Variants in WDR33 observed in about 807,000 individuals in gnomAD.
WDR33 encodes WD repeat domain 33, also known as pre-mRNA 3' end processing protein WDR33.
A neutral mutation model predicts 164.9 loss-of-function variants in WDR33; 47 were observed. The ratio of observed to expected loss-of-function variants is 0.29; its 90% CI spans 0.23 to 0.36. WDR33 has a LOEUF of 0.36. Ranked by LOEUF, WDR33 falls within the 10% of genes least tolerant of loss-of-function variation. The pLI, the probability that WDR33 is intolerant of heterozygous loss-of-function variation, is 1.00. For missense variants in WDR33, 1,137 were observed against 1,754.1 expected (o/e 0.65, Z 6.28); for synonymous variants, 505 against 589.0 (o/e 0.86, Z 2.06).
chr2:127,721,732 ACCATGGGAGAGCCCCTT>A lies in WDR33; in HGVS notation c.1671+87_1671+103del. On this transcript the variant is annotated intron_variant, in intron 15 of 21. Transcript: ENST00000322313. This position sits in a 1 kb window ranked among gnomAD's most constrained non-coding sequence, Gnocchi z 4.9. ...AACAGGAAATGGCGGTGTTTGTCAGACCATGGGAGAGCCCCTTCCCTTTTCCTTAAGAGCCTATCAAT... is the reference window on the plus strand; with the variant it reads ...AACAGGAAATGGCGGTGTTTGTCAGACCCTTTTCCTTAAGAGCCTATCAAT... The A allele has an allele frequency of 8.0e-7, 1 of 1,253,478 alleles. No individual in the cohort carries two copies. Among genetic ancestry groups the A allele is most frequent in the South Asian group, 1.8e-5 (1 of 56,292 alleles). The allele number at this position is 1,253,478 out of a possible 1,614,324, so 77.6% of individuals were successfully genotyped here.
intron 1 of WDR33, among the ~76,000 whole-genome samples, chr2:127,784,128 T>C (rs1477392116): frequency 6.6e-6 from 1 of 152,236 alleles, no homozygotes; most frequent in Admixed American, 6.5e-5. Flanking sequence ...TCTAGCTTAA[T>C]TGAAAACAGC....
rs571719993 is a variant in WDR33, at chr2:127,750,017, G to A, written c.724+13045C>T. Among the ~76,000 whole-genome samples, 4 of 151,772 alleles carry A rather than the reference G, an allele frequency of 2.6e-5. No homozygotes were observed. The East Asian group carries it at 7.9e-4, about 30-fold the overall frequency. On this transcript the variant is annotated intron_variant, in intron 7 of 21. Coordinates refer to ENST00000322313, the MANE Select transcript of WDR33 (RefSeq NM_018383.5). The stretch of plus-strand genomic sequence containing the variant: ...GTTATCAGCTTATTTCTCATTGTAG[G>A]AGAACAGGCATTTGTGGGGAGGGAG...
chr2:127,781,998 C>CT lies in WDR33; in HGVS notation c.-23-10995dup, dbSNP rs953338858. Among the ~76,000 whole-genome samples the CT allele has an allele frequency of 3.4e-4, 23 of 68,280 alleles. No homozygotes were observed. The East Asian group carries it at 9.8e-3, about 29-fold the overall frequency. The allele number at this position is 68,280 out of a possible 152,430, so 44.8% of individuals were successfully genotyped here. On this transcript the variant is annotated intron_variant, in intron 1 of 21. Coordinates refer to ENST00000322313, the MANE Select transcript of WDR33 (RefSeq NM_018383.5). ...GGGCAAGAAGAGCGAAACTCTTTTT[C>CT]TAAAAAAAAAAAAAAAAAAAAAAAT...
rs936624900 is a variant in WDR33, at chr2:127,716,794, T to C, written c.2869+361A>G. 6.6e-6 allele frequency among the ~76,000 whole-genome samples: 1 copy of C among 152,180 alleles called. No individual in the cohort carries two copies. Among genetic ancestry groups the C allele is most frequent in the African/African-American group, 2.4e-5 (1 of 41,444 alleles). ...GACAAGGATGTGATGACAAAAACAC[T>C]GTCACACAATTCAAGCACAAACAGT... On this transcript the variant is annotated intron_variant, in intron 17 of 21. Transcript: ENST00000322313. The surrounding 1 kb of genome is among the most constrained non-coding windows in gnomAD (Gnocchi z 4.5).
chr2:127,808,185 A>G (rs1432162891), intron 1 of WDR33, among the ~76,000 whole-genome samples: 1 of 151,842 alleles, frequency 6.6e-6, no homozygotes, highest in African/African-American at 2.4e-5. Flanking sequence ...AGAAAGAAAA[A>G]AAATGTTAAC....
chr2:127,793,692 G>A (rs951372273), intron 1 of WDR33, among the ~76,000 whole-genome samples: 1 of 152,160 alleles, frequency 6.6e-6, no homozygotes, highest in Non-Finnish European at 1.5e-5. Flanking sequence ...AGTGAGTTAT[G>A]ATCATGCCAC....
In WDR33 at chr2:127,711,751, G is replaced by GATATATATATATATATAT. The variant is rs754454193; in HGVS notation, c.3308+1814_3308+1831dup. On this transcript the variant is annotated intron_variant, in intron 18 of 21. Transcript: ENST00000322313. ...CAACCCTAACTCAACCACATATACAGATATATATATATATATATATATATA... is the reference window on the plus strand; with the variant it reads ...CAACCCTAACTCAACCACATATACAGATATATATATATATATATATATATATATATATATATATATATA... Among the ~76,000 whole-genome samples the GATATATATATATATATAT allele has an allele frequency of 5.4e-3, 387 of 71,502 alleles. 4 individuals carry two copies. The highest frequency in any genetic ancestry group is 7.4e-3 in the Non-Finnish European group (314 of 42,594). 46.9% of individuals were successfully genotyped at this position (71,502 alleles called of 152,430 possible).
intron 4 of WDR33, 112 bp from the exon 5 acceptor site, chr2:127,765,381 C>T (rs988502027): frequency 1.1e-5 from 8 of 751,404 alleles, no homozygotes; most frequent in Non-Finnish European, 1.7e-5. Flanking sequence ...ATGATACTGA[C>T]TTTCACTTAA....
At chr2:127,791,975 G>C (rs938453474) in intron 1 of WDR33, among the ~76,000 whole-genome samples, 2 of 149,872 alleles carry the variant, frequency 1.3e-5, no homozygotes, top group African/African-American at 4.9e-5. Flanking sequence ...GTCTCATGCT[G>C]TCACCCAGGC....
chr2:127,702,251 C>G lies in WDR33; in HGVS notation c.*4072G>C. 1.7e-6 allele frequency: 2 copies of G among 1,156,732 alleles called. No homozygotes were observed. The highest frequency in any genetic ancestry group is 2.2e-6 in the Non-Finnish European group (2 of 928,040). The allele number at this position is 1,156,732 out of a possible 1,614,324, so 71.7% of individuals were successfully genotyped here. On this transcript the variant is annotated 3_prime_UTR_variant, in exon 22 of 22. Transcript: ENST00000322313. ...GAGACCGCGCCGGCCGAGCTGAGGA[C>G]TGCACGCCGCTGTGCGGAAGCCCGT... is the stretch of plus-strand genomic sequence containing the variant.
chr2:127,765,512 C>T (rs1378592285), intron 4 of WDR33, among the ~76,000 whole-genome samples: 1 of 152,092 alleles, frequency 6.6e-6, no homozygotes, highest in African/African-American at 2.4e-5. Flanking sequence ...TGAGTATACG[C>T]ACCTACTCAC....
In WDR33 at chr2:127,701,818, A is replaced by G. The variant is rs1048601919; in HGVS notation, c.*4505T>C. On this transcript the variant is annotated 3_prime_UTR_variant, in exon 22 of 22. Transcript: ENST00000322313. Reference sequence around the variant, plus strand: ...CTGTGTTTCGGCCTAGCCGCGCTCTACGCACCGGTGTTGCTGCTGCGCGCG... The same window carrying G: ...CTGTGTTTCGGCCTAGCCGCGCTCTGCGCACCGGTGTTGCTGCTGCGCGCG... 1 of 1,457,650 alleles carries G rather than the reference A, an allele frequency of 6.9e-7. No individual in the cohort carries two copies. Among genetic ancestry groups the G allele is most frequent in the East Asian group, 3.1e-5 (1 of 32,390 alleles). The allele number at this position is 1,457,650 out of a possible 1,614,324, so 90.3% of individuals were successfully genotyped here.
chr2:127,724,257 C>A lies in WDR33; in HGVS notation c.1196+76G>T. The stretch of plus-strand genomic sequence containing the variant: ...AATATAAATTACTATATCAATCAAC[C>A]AATAAAAATAAACACATACAGTATT... On this transcript the variant is annotated intron_variant, in intron 11 of 21. Coordinates refer to ENST00000322313, the MANE Select transcript of WDR33 (RefSeq NM_018383.5). The surrounding 1 kb of genome is among the most constrained non-coding windows in gnomAD (Gnocchi z 4.8). 2 of 1,131,838 alleles carry A rather than the reference C, an allele frequency of 1.8e-6. No individual in the cohort carries two copies. Among genetic ancestry groups the A allele is most frequent in the South Asian group, 1.4e-5 (1 of 69,798 alleles). 70.1% of individuals were successfully genotyped at this position (1,131,838 alleles called of 1,614,324 possible).
rs1169019444 is a variant in WDR33, at chr2:127,706,521, C to T, written c.3813G>A (p.Val1271=). 3.1e-6 allele frequency: 5 copies of T among 1,613,218 alleles called. No individual in the cohort carries two copies. The highest frequency in any genetic ancestry group is 4.2e-6 in the Non-Finnish European group (5 of 1,179,588). Residue 1271 remains valine (V), a synonymous_variant, in exon 22 of 22, where the codon GTG becomes GTA. Coordinates refer to ENST00000322313, the MANE Select transcript of WDR33 (RefSeq NM_018383.5). The surrounding 1 kb of genome is among the most constrained non-coding windows in gnomAD (Gnocchi z 5.1). ...GRGGPGPAQR[V]PKSGRSSSLD... ...AGGAGCTGGAACGCCCAGATTTGGG[C>T]ACTCTCTGAGCAGGTCCTGGGCCCC...
At position 127,717,050 on chromosome 2, in the gene WDR33, T is replaced by C; in HGVS notation, c.2869+105A>G. The C allele has an allele frequency of 8.4e-7, 1 of 1,197,354 alleles. No homozygotes were observed. The highest frequency in any genetic ancestry group is 1.3e-5 in the South Asian group (1 of 75,886). The allele number at this position is 1,197,354 out of a possible 1,614,324, so 74.2% of individuals were successfully genotyped here. Reference sequence around the variant, plus strand: ...ACCACACCCTTATTTTGCCCAGAGGTTCAAATGACCAGTCTATCAATGACT... The same window carrying C: ...ACCACACCCTTATTTTGCCCAGAGGCTCAAATGACCAGTCTATCAATGACT... On this transcript the variant is annotated intron_variant, in intron 17 of 21. Coordinates refer to ENST00000322313, the MANE Select transcript of WDR33 (RefSeq NM_018383.5). The surrounding 1 kb of genome is among the most constrained non-coding windows in gnomAD (Gnocchi z 5.6).
rs779472723 is a variant in WDR33, at chr2:127,720,226, C to T, written c.1799G>A (p.Gly600Asp). 6.3e-7 allele frequency: 1 copy of T among 1,597,262 alleles called. No homozygotes were observed. Among genetic ancestry groups the T allele is most frequent in the Non-Finnish European group, 8.5e-7 (1 of 1,171,214 alleles). ...CTGAGATGGATGGGGCTGTTGAAAA[C>T]CTTGAGGAATCTGAGACATTGGACC... ...GQGPMSQIPQ[G>D]FQQPHPSQQM... The change falls in exon 16 of 22, where the codon GGT becomes GAT. Residue 600 changes from glycine to aspartate, a missense_variant. By Grantham distance (94) the Gly-to-Asp change is moderately conservative (BLOSUM62 -1). Transcript: ENST00000322313. The surrounding 1 kb of genome is among the most constrained non-coding windows in gnomAD (Gnocchi z 5.9).
intron 7 of WDR33, among the ~76,000 whole-genome samples, chr2:127,753,510 T>TCA (rs1195852597): frequency 1.3e-5 from 2 of 152,178 alleles, no homozygotes; most frequent in Non-Finnish European, 2.9e-5. Context: ...GTTCAACACC[T>TCA]CACTTCACAG....
Position 127,763,773 on chromosome 2 carries a change from A to G in WDR33, c.627-614T>C, listed in dbSNP as rs566233892. 121 of 985,598 alleles carry G rather than the reference A, an allele frequency of 1.2e-4. 2 individuals are homozygous for G. In the South Asian group the frequency reaches 5.3e-3, roughly 43 times the overall value. The allele number at this position is 985,598 out of a possible 1,614,324, so 61.1% of individuals were successfully genotyped here. A position where few individuals can be genotyped will look rare whatever the true frequency, so the allele number is the denominator to read the frequency against. ...CATTCAGACTTGTGTGTAAAGCCAAAGAATCTGCTGCAAGAAGGAGTCAGT... is the reference window on the plus strand; with the variant it reads ...CATTCAGACTTGTGTGTAAAGCCAAGGAATCTGCTGCAAGAAGGAGTCAGT... On this transcript the variant is annotated intron_variant, in intron 6 of 21. Coordinates refer to ENST00000322313, the MANE Select transcript of WDR33 (RefSeq NM_018383.5). This position sits in a 1 kb window ranked among gnomAD's most constrained non-coding sequence, Gnocchi z 4.5.
Position 127,764,814 on chromosome 2 carries a change from T to C in WDR33, c.626+14A>G, listed in dbSNP as rs1307543403. 2.5e-6 allele frequency: 4 copies of C among 1,614,066 alleles called. No individual in the cohort carries two copies. In the Admixed American group the frequency reaches 5.0e-5, roughly 20 times the overall value. On this transcript the variant is annotated intron_variant, in intron 6 of 21. Coordinates refer to ENST00000322313, the MANE Select transcript of WDR33 (RefSeq NM_018383.5). This position sits in a 1 kb window ranked among gnomAD's most constrained non-coding sequence, Gnocchi z 6.2. ...ACAATAGGGACTACAGAAAATGGTA[T>C]ATTGTGTATAAACCTGGCCTCTCTA...
Sources: allele counts gnomAD v4.1 joint callset (sites outside exome capture counted in the v4.1 genomes callset), GRCh38; gene constraint gnomAD v4.1.1; non-coding constraint Gnocchi (gnomAD v3.1); transcripts MANE v1.5; gene names NCBI Gene and HGNC (gene_info 2026-07-23, HGNC 2026-07-21).